Variants in NRXN1 observed in about 807,000 individuals in gnomAD.
The protein encoded by NRXN1 is neurexin 1, also known as neurexin-1.
Under a neutral mutation model 150.9 loss-of-function variants are expected in NRXN1, and 39 were observed. That is an observed-to-expected ratio of 0.26 (90% CI 0.20 to 0.34). The LOEUF is 0.34. Among genes scored for constraint, NRXN1 ranks in the 10% least tolerant of loss-of-function variants. The pLI is 1.00. For synonymous variants in NRXN1, 924 were observed against 757.0 expected, an observed-to-expected ratio of 1.22 and a Z score of -3.62; for missense variants, 1,815 against 1,949.9, an observed-to-expected ratio of 0.93 and a Z score of 1.30.
chr2:50,681,644 C>T (rs1031729839), intron 5 of NRXN1, among the ~76,000 whole-genome samples: 8 of 152,128 alleles, frequency 5.3e-5, no homozygotes, highest in African/African-American at 1.9e-4. Context: ...TTATTAATTA[C>T]TTTCAACTCT....
At chr2:50,172,920 T>C (rs58747586) in intron 18 of NRXN1, among the ~76,000 whole-genome samples, 6,656 of 152,210 alleles carry the variant, frequency 0.044, 470 homozygotes, top group African/African-American at 0.15. Flanking sequence ...TGAGCTGAGA[T>C]TGTGCCACTG....
chr2:50,704,672 T>G (rs1357403052), intron 5 of NRXN1, among the ~76,000 whole-genome samples: 1 of 151,780 alleles, frequency 6.6e-6, no homozygotes, highest in African/African-American at 2.4e-5. Context: ...TATATTAATA[T>G]TTTAGGGCTC....
intron 5 of NRXN1, among the ~76,000 whole-genome samples, chr2:50,899,330 G>C (rs971748079): frequency 7.2e-5 from 11 of 152,158 alleles, no homozygotes; most frequent in Admixed American, 2.6e-4. Context: ...GGTTGCAGAA[G>C]GCTTGGAACA....
chr2:50,178,604 A>T (rs1207603743), intron 18 of NRXN1, among the ~76,000 whole-genome samples: 2 of 152,068 alleles, frequency 1.3e-5, no homozygotes, highest in African/African-American at 2.4e-5. Flanking sequence ...AGGAATTTGG[A>T]TTACAAATGG....
At chr2:50,716,502 A>G (rs1478219470) in intron 5 of NRXN1, among the ~76,000 whole-genome samples, 1 of 152,198 alleles carries the variant, frequency 6.6e-6, no homozygotes, top group Non-Finnish European at 1.5e-5. Flanking sequence ...ATTACAGTCC[A>G]CATTTCAAAT....
At chr2:50,479,881 C>T (rs1369542216) in intron 15 of NRXN1, among the ~76,000 whole-genome samples, 1 of 137,414 alleles carries the variant, frequency 7.3e-6, no homozygotes, top group African/African-American at 2.7e-5. Context: ...TCAAGCAATT[C>T]TCCTGCCTCA....
At chr2:50,329,835 G>A (rs1244205027) in intron 17 of NRXN1, among the ~76,000 whole-genome samples, 5 of 149,906 alleles carry the variant, frequency 3.3e-5, no homozygotes, top group African/African-American at 1.2e-4. Context: ...CACCATGCCC[G>A]GCTAATTTTT....
intron 8 of NRXN1, among the ~76,000 whole-genome samples, chr2:50,595,024 CAAT>C (rs958205199): frequency 6.8e-6 from 1 of 146,594 alleles, no homozygotes; most frequent in Non-Finnish European, 1.5e-5. Flanking sequence ...ACAAGCAAAA[CAAT>C]AGTGAAACAC....
intron 17 of NRXN1, among the ~76,000 whole-genome samples, chr2:50,319,825 C>T (rs1437545778): frequency 6.6e-6 from 1 of 152,076 alleles, no homozygotes; most frequent in Non-Finnish European, 1.5e-5. Context: ...AAGCACTAAC[C>T]TCCTCTCATA....
At chr2:50,612,214 G>C (rs969563860) in intron 8 of NRXN1, among the ~76,000 whole-genome samples, 3 of 151,068 alleles carry the variant, frequency 2.0e-5, no homozygotes, top group African/African-American at 7.3e-5. Flanking sequence ...TTGCCAAATA[G>C]GGATAGTATT....
chr2:50,632,097 T>C (rs980903488), intron 5 of NRXN1, among the ~76,000 whole-genome samples: 1 of 151,974 alleles, frequency 6.6e-6, no homozygotes, highest in African/African-American at 2.4e-5. Flanking sequence ...ACAGTCCTCA[T>C]TTATGAAATG....
intron 17 of NRXN1, among the ~76,000 whole-genome samples, chr2:50,387,014 G>A (rs1227533895): frequency 6.6e-6 from 1 of 152,140 alleles, no homozygotes; most frequent in Non-Finnish European, 1.5e-5. Flanking sequence ...TTTTTCTAAA[G>A]TTAGCATTCC....
At chr2:50,698,995 A>G (rs1518549) in intron 5 of NRXN1, among the ~76,000 whole-genome samples, 80,932 of 151,934 alleles carry the variant, frequency 0.53, 21,832 homozygotes, top group East Asian at 0.75. Context: ...ACCAATTGAC[A>G]ATAGTATTGT....
intron 17 of NRXN1, among the ~76,000 whole-genome samples, chr2:50,291,538 C>T (rs1436614248): frequency 6.6e-6 from 1 of 152,136 alleles, no homozygotes; most frequent in Non-Finnish European, 1.5e-5. Context: ...ATCCCTGGAA[C>T]TGAGACTCCC....
chr2:50,178,471 T>A (rs1280783386), intron 18 of NRXN1, among the ~76,000 whole-genome samples: 1 of 152,052 alleles, frequency 6.6e-6, no homozygotes, highest in Admixed American at 6.6e-5. Context: ...ATACCACATA[T>A]AATTTGAGAC....
At chr2:50,750,677 A>G (rs2105327678) in intron 5 of NRXN1, among the ~76,000 whole-genome samples, 1 of 152,142 alleles carries the variant, frequency 6.6e-6, no homozygotes, top group Admixed American at 6.6e-5. Flanking sequence ...ATGTTTCCTT[A>G]GTCTAGCACC....
At chr2:50,290,675 G>T (rs904913590) in intron 17 of NRXN1, among the ~76,000 whole-genome samples, 1 of 152,148 alleles carries the variant, frequency 6.6e-6, no homozygotes, top group Non-Finnish European at 1.5e-5. Flanking sequence ...GGACTGGAGG[G>T]GGCTGTTCTG....
intron 2 of NRXN1, among the ~76,000 whole-genome samples, chr2:50,988,577 T>A (rs1393495400): frequency 6.6e-6 from 1 of 151,864 alleles, no homozygotes; most frequent in Admixed American, 6.6e-5. Context: ...CAGCTCTAAA[T>A]CCCCTCTCCT....
chr2:50,503,306 T>C (rs1439019212), intron 13 of NRXN1, among the ~76,000 whole-genome samples: 1 of 139,394 alleles, frequency 7.2e-6, no homozygotes, highest in African/African-American at 2.7e-5. Flanking sequence ...AGACTCCATC[T>C]CAAAAAAACA....
Sources: allele counts gnomAD v4.1 joint callset (sites outside exome capture counted in the v4.1 genomes callset), GRCh38; gene constraint gnomAD v4.1.1; transcripts MANE v1.5; gene names NCBI Gene and HGNC (gene_info 2026-07-23, HGNC 2026-07-21).